The following GABRG1 variants were observed in gnomAD, a reference collection of about 807,000 sequenced individuals.
GABRG1 encodes gamma-aminobutyric acid receptor subunit gamma-1.
A neutral mutation model predicts 49.8 loss-of-function variants in GABRG1; 49 were observed. The ratio of observed to expected loss-of-function variants is 0.98; its 90% CI spans 0.78 to 1.25. The LOEUF (loss-of-function observed/expected upper bound fraction) is 1.25, where lower values mean the gene tolerates loss of function less well. GABRG1 is among the 50% of genes most tolerant of loss of function. The pLI is 0.00. For missense variants in GABRG1, 552 were observed against 552.3 expected (o/e 1.00, Z 0.01); for synonymous variants, 232 against 185.1 (o/e 1.25, Z -2.06).
intron 1 of GABRG1, among the ~76,000 whole-genome samples, chr4:46,122,927 A>C (rs1394171378): frequency 2.0e-5 from 3 of 152,034 alleles, no homozygotes; most frequent in African/African-American, 7.2e-5. Context: ...AGCTCAAGTC[A>C]CCCACTACTC....
intron 3 of GABRG1, among the ~76,000 whole-genome samples, chr4:46,070,919 T>C (rs1719094298): frequency 6.6e-6 from 1 of 152,060 alleles, no homozygotes; most frequent in Admixed American, 6.6e-5. Context: ...GAATCACATC[T>C]AAATAATACC....
chr4:46,106,849 T>A (rs922474913), intron 1 of GABRG1, among the ~76,000 whole-genome samples: 1 of 151,148 alleles, frequency 6.6e-6, no homozygotes, highest in African/African-American at 2.4e-5. Context: ...TGAGGAAGAA[T>A]CTGTCATGCA....
intron 1 of GABRG1, among the ~76,000 whole-genome samples, chr4:46,104,503 G>A (rs918533043): frequency 4.6e-5 from 7 of 151,256 alleles, no homozygotes; most frequent in African/African-American, 9.7e-5. Context: ...ATGACACAAC[G>A]TTACATATAG....
intron 7 of GABRG1, among the ~76,000 whole-genome samples, 167 bp downstream of exon 7, chr4:46,058,050 T>G (rs985833488): frequency 1.3e-5 from 2 of 152,124 alleles, no homozygotes; most frequent in African/African-American, 4.8e-5. Flanking sequence ...TACTTTTCTT[T>G]TTTTACATAT....
intron 2 of GABRG1, among the ~76,000 whole-genome samples, chr4:46,085,592 G>A (rs976903024): frequency 2.0e-4 from 31 of 151,376 alleles, no homozygotes; most frequent in Admixed American, 3.3e-4. Context: ...AGCAGCAACC[G>A]ACAAAGATGA....
chr4:46,056,647 A>G (rs1408117784), intron 7 of GABRG1, among the ~76,000 whole-genome samples: 1 of 152,090 alleles, frequency 6.6e-6, no homozygotes, highest in African/African-American at 2.4e-5. Flanking sequence ...ATAAACACGA[A>G]GTTTTAAAAT....
intron 1 of GABRG1, among the ~76,000 whole-genome samples, chr4:46,119,731 T>C (rs1469355191): frequency 1.3e-5 from 2 of 151,590 alleles, no homozygotes; most frequent in African/African-American, 4.8e-5. Context: ...TTTAGAGTTC[T>C]AGAGGTGTAT....
At chr4:46,091,232 C>G (rs13109156) in intron 2 of GABRG1, among the ~76,000 whole-genome samples, 1 of 151,846 alleles carries the variant, frequency 6.6e-6, no homozygotes, top group Non-Finnish European at 1.5e-5. Context: ...AAAATAAAAG[C>G]TTTACCAAGG....
At chr4:46,061,814 ATT>A (rs71193839) in intron 5 of GABRG1, among the ~76,000 whole-genome samples, 4 of 144,742 alleles carry the variant, frequency 2.8e-5, no homozygotes, top group Non-Finnish European at 3.0e-5. Context: ...TACCACTTAC[ATT>A]TTTTTTTTTT....
intron 7 of GABRG1, among the ~76,000 whole-genome samples, chr4:46,056,944 C>T (rs1383966558): frequency 6.6e-6 from 1 of 152,064 alleles, no homozygotes; most frequent in East Asian, 1.9e-4. Flanking sequence ...CTCTTCATGA[C>T]ACTCTAGCAT....
intron 3 of GABRG1, among the ~76,000 whole-genome samples, chr4:46,077,851 T>A (rs1427014585): frequency 6.6e-6 from 1 of 151,706 alleles, no homozygotes; most frequent in Non-Finnish European, 1.5e-5. Flanking sequence ...GAAATAAAAT[T>A]ATTTTGATAA....
rs545118154 is a variant in GABRG1 at position 46,061,595 on chromosome 4, G to T, written c.625+2846C>A. On this transcript the variant is annotated intron_variant, in intron 5 of 8. Transcript: ENST00000295452. ...TTTATAAAAATACATGTGAGGATAT[G>T]TATGTTAGTAAATATAAAATAAAAT... Among the ~76,000 whole-genome samples the T allele has an allele frequency of 3.7e-3, 567 of 151,916 alleles. 11 individuals are homozygous for T. The South Asian group carries it at 0.068, about 18-fold the overall frequency.
chr4:46,044,650 A>G (rs1717918789), intron 8 of GABRG1, among the ~76,000 whole-genome samples: 1 of 152,102 alleles, frequency 6.6e-6, no homozygotes, highest in African/African-American at 2.4e-5. Context: ...AAATGGAAAC[A>G]TGACTGTGGA....
At chr4:46,047,148 A>G (rs1290762483) in intron 8 of GABRG1, among the ~76,000 whole-genome samples, 1 of 152,094 alleles carries the variant, frequency 6.6e-6, no homozygotes, top group African/African-American at 2.4e-5. Flanking sequence ...GACTAGCGCT[A>G]CTAAGATACT....
intron 5 of GABRG1, 34 bp from the exon 6 acceptor site, chr4:46,058,656 C>T (rs2109403037): frequency 6.4e-7 from 1 of 1,551,154 alleles, no homozygotes; most frequent in East Asian, 2.3e-5. Context: ...TAGCAAGATC[C>T]AAATTTGATA....
At chr4:46,083,846 C>G (rs768473961) in intron 3 of GABRG1, 140 bp downstream of exon 3, 2 of 650,426 alleles carry the variant, frequency 3.1e-6, no homozygotes, top group Non-Finnish European at 5.5e-6. Context: ...GTTGCCAATA[C>G]CTGGCACAAA....
intron 1 of GABRG1, among the ~76,000 whole-genome samples, chr4:46,104,078 A>G (rs2109435730): frequency 6.6e-6 from 1 of 151,520 alleles, no homozygotes; most frequent in South Asian, 2.1e-4. Context: ...TTCTAAACAC[A>G]TAAATGACTT....
At position 46,063,967 on chromosome 4, in the gene GABRG1, G is replaced by A. The variant is rs117284627; in HGVS notation, c.625+474C>T. On this transcript the variant is annotated intron_variant, in intron 5 of 8. Transcript: ENST00000295452. ...AATTAAATCAACTTATTTCTACCTTGGTTTTTCTACCTTATTAAAGTAGTC... is the reference window on the plus strand; with the variant it reads ...AATTAAATCAACTTATTTCTACCTTAGTTTTTCTACCTTATTAAAGTAGTC... Among the ~76,000 whole-genome samples, 25 of 151,970 alleles carry A rather than the reference G, an allele frequency of 1.6e-4. No individual in the cohort carries two copies. The East Asian group carries it at 4.4e-3, about 27-fold the overall frequency.
intron 1 of GABRG1, among the ~76,000 whole-genome samples, chr4:46,123,067 TTC>T (rs139347395): frequency 1.8e-3 from 261 of 143,252 alleles, no homozygotes; most frequent in African/African-American, 2.7e-3. Flanking sequence ...GGTGACACTT[TTC>T]TCTCTCTCTC....
Sources: gnomAD v4.1 joint callset for allele counts (sites outside exome capture counted in the v4.1 genomes callset) on GRCh38, gnomAD v4.1.1 for gene constraint, MANE v1.5 for transcripts, NCBI Gene and HGNC (gene_info 2026-07-23, HGNC 2026-07-21) for gene names.